Variants in NPRL3 observed in about 807,000 individuals in gnomAD.
The protein encoded by NPRL3 is NPR3 like, GATOR1 complex subunit, also known as GATOR1 complex protein NPRL3.
Under a neutral mutation model 57.2 loss-of-function variants are expected in NPRL3, and 23 were observed. The observed-to-expected ratio is 0.40, with a 90% CI of 0.29 to 0.57. NPRL3 has a LOEUF of 0.57. NPRL3 is among the 20% of genes least tolerant of loss of function. The probability of loss-of-function intolerance (pLI) is 0.42; values close to 1 mark genes in which losing one functional copy is unlikely to be tolerated. For missense variants in NPRL3, 691 were observed against 767.1 expected (o/e 0.90, Z 1.17); for synonymous variants, 333 against 321.1 (o/e 1.04, Z -0.39).
intron 6 of NPRL3, among the ~76,000 whole-genome samples, chr16:111,475 G>A (rs1899811171): frequency 6.6e-6 from 1 of 151,272 alleles, no homozygotes; most frequent in South Asian, 2.1e-4. Flanking sequence ...TTGAGACAGG[G>A]TCTCACTCTG....
intron 7 of NPRL3, among the ~76,000 whole-genome samples, chr16:104,890 C>G (rs547762605): frequency 1.3e-5 from 2 of 152,292 alleles, no homozygotes; most frequent in East Asian, 3.9e-4. Flanking sequence ...AAGCCAGGAG[C>G]TGCACTGAGG....
intron 10 of NPRL3, 25 bp from the exon 11 acceptor site, chr16:92,750 G>C (rs1898817309): frequency 6.2e-7 from 1 of 1,611,118 alleles, no homozygotes; most frequent in Non-Finnish European, 8.5e-7. Context: ...GCATGCCAGT[G>C]AGTGCAGCAG....
At chr16:93,438 A>G in intron 9 of NPRL3, 113 bp from the exon 10 acceptor site, 1 of 708,662 alleles carries the variant, frequency 1.4e-6, no homozygotes. Context: ...AGCTGGCCCC[A>G]GCCTCATGCA....
intron 7 of NPRL3, among the ~76,000 whole-genome samples, chr16:102,780 A>G (rs1027258170): frequency 2.0e-5 from 3 of 152,216 alleles, no homozygotes; most frequent in Non-Finnish European, 4.4e-5. Flanking sequence ...GGGTGCTCAG[A>G]GAACACCATG....
chr16:85,460 C>T lies in NPRL3; in HGVS notation c.*1245G>A, dbSNP rs570538336. The T allele has an allele frequency of 3.4e-5, 55 of 1,612,978 alleles. No individual in the cohort carries two copies. The highest frequency in any genetic ancestry group is 1.7e-4 in the Middle Eastern group (1 of 6,024). ...GCCCCTGGAAGGTCTGGAGACCATG[C>T]GTCAGCTTCGCAGCACCCTCCGGAA... On this transcript the variant is annotated 3_prime_UTR_variant, in exon 14 of 14. Coordinates refer to ENST00000611875, the MANE Select transcript of NPRL3 (RefSeq NM_001077350.3).
At chr16:130,024 C>T (rs1190617886) in intron 3 of NPRL3, among the ~76,000 whole-genome samples, 2 of 152,178 alleles carry the variant, frequency 1.3e-5, no homozygotes, top group Non-Finnish European at 2.9e-5. Context: ...ATCCACCTTT[C>T]ATCTGTGCCT....
chr16:134,067 A>C (rs1348594007), intron 2 of NPRL3, among the ~76,000 whole-genome samples: 1 of 152,244 alleles, frequency 6.6e-6, no homozygotes, highest in African/African-American at 2.4e-5. Context: ...ATAATGAAAA[A>C]GTTTGAAATA....
At chr16:129,414 C>T (rs1900690471) in intron 3 of NPRL3, among the ~76,000 whole-genome samples, 1 of 152,160 alleles carries the variant, frequency 6.6e-6, no homozygotes, top group Non-Finnish European at 1.5e-5. Context: ...AATGGGGTGT[C>T]CAGCAAGCCC....
chr16:112,197 G>A (rs546647662), intron 6 of NPRL3, among the ~76,000 whole-genome samples: 5 of 152,308 alleles, frequency 3.3e-5, no homozygotes, highest in African/African-American at 4.8e-5. Flanking sequence ...CTATGTGAAC[G>A]GTGATCATGC....
chr16:115,141 A>G (rs1899974674), intron 5 of NPRL3, among the ~76,000 whole-genome samples: 1 of 151,738 alleles, frequency 6.6e-6, no homozygotes, highest in African/African-American at 2.4e-5. Context: ...TGCCTGGCTA[A>G]TTTTTGTATT....
At chr16:135,377 G>A (rs994819138) in intron 2 of NPRL3, among the ~76,000 whole-genome samples, 9 of 152,122 alleles carry the variant, frequency 5.9e-5, no homozygotes, top group African/African-American at 1.9e-4. Flanking sequence ...TTGGGATGCC[G>A]AGGAAGGCAG....
chr16:108,376 G>A (rs769139789), intron 7 of NPRL3, among the ~76,000 whole-genome samples: 58 of 152,258 alleles, frequency 3.8e-4, no homozygotes, highest in Admixed American at 1.6e-3. Flanking sequence ...GAGACTCGAT[G>A]TTGGCAAAGC....
chr16:133,643 G>A (rs1051809010), intron 2 of NPRL3, among the ~76,000 whole-genome samples: 21 of 152,214 alleles, frequency 1.4e-4, no homozygotes, highest in African/African-American at 2.4e-5. Flanking sequence ...GTAGCTGGGA[G>A]TACAGGTGCA....
chr16:129,327 T>C (rs1055961744), intron 3 of NPRL3, among the ~76,000 whole-genome samples: 1 of 152,136 alleles, frequency 6.6e-6, no homozygotes, highest in Non-Finnish European at 1.5e-5. Context: ...TATATGCCTG[T>C]GACAAACCAG....
chr16:85,685 G>T lies in NPRL3; in HGVS notation c.*1020C>A, dbSNP rs778997276. 7.1e-5 allele frequency: 110 copies of T among 1,557,242 alleles called. No homozygotes were observed. Among genetic ancestry groups the T allele is most frequent in the Non-Finnish European group, 9.3e-5 (107 of 1,148,838 alleles). On this transcript the variant is annotated 3_prime_UTR_variant, in exon 14 of 14. Transcript: ENST00000611875. The stretch of plus-strand genomic sequence containing the variant: ...CCGGGTGGGCGTCGGCCATGCAGGG[G>T]AGTGGGCCCGGAAACCCCTCCGCTT...
intron 6 of NPRL3, among the ~76,000 whole-genome samples, chr16:112,367 T>C (rs573677102): frequency 6.6e-6 from 1 of 152,354 alleles, no homozygotes; most frequent in African/African-American, 2.4e-5. Flanking sequence ...TGAGCCTTAG[T>C]TTCCACATCT....
At chr16:100,270 AG>A (rs1221295318) in intron 8 of NPRL3, 101 bp downstream of exon 8, 9 of 1,282,032 alleles carry the variant, frequency 7.0e-6, no homozygotes, top group Non-Finnish European at 9.1e-6. Context: ...AGTGGGAAGA[AG>A]AAAAAGAGAA....
intron 7 of NPRL3, among the ~76,000 whole-genome samples, chr16:104,347 G>T (rs28526632): frequency 6.6e-6 from 1 of 152,236 alleles, no homozygotes; most frequent in African/African-American, 2.4e-5. Context: ...TAATCAAATT[G>T]TATGGAGCAT....
intron 4 of NPRL3, among the ~76,000 whole-genome samples, chr16:118,108 G>C (rs577712157): frequency 6.6e-6 from 1 of 152,214 alleles, no homozygotes; most frequent in African/African-American, 2.4e-5. Context: ...GTGCGGTACA[G>C]GGGACCAGGC....
Sources: gnomAD v4.1 joint callset for allele counts (sites outside exome capture counted in the v4.1 genomes callset) on GRCh38, gnomAD v4.1.1 for gene constraint, MANE v1.5 for transcripts, NCBI Gene and HGNC (gene_info 2026-07-23, HGNC 2026-07-21) for gene names.